Variants in RBFOX1 observed in about 807,000 individuals in gnomAD.
RBFOX1 encodes the protein RNA binding protein fox-1 homolog 1.
Under a neutral mutation model 57.7 loss-of-function variants are expected in RBFOX1, and 8 were observed. The observed-to-expected ratio is 0.14, with a 90% CI of 0.08 to 0.25. The LOEUF is 0.25. RBFOX1 is among the 10% of genes least tolerant of loss of function. The pLI, the probability that RBFOX1 is intolerant of heterozygous loss-of-function variation, is 1.00. For synonymous variants in RBFOX1, 326 were observed against 222.4 expected, an observed-to-expected ratio of 1.47 and a Z score of -4.15; for missense variants, 611 against 548.5, an observed-to-expected ratio of 1.11 and a Z score of -1.14.
At chr16:5,367,365 C>T (rs953917282) in intron 1 of RBFOX1, among the ~76,000 whole-genome samples, 1 of 152,160 alleles carries the variant, frequency 6.6e-6, no homozygotes, top group African/African-American at 2.4e-5. Context: ...TGGAGGATTA[C>T]TCCTAGGTAG....
At chr16:6,153,698 G>A (rs566040907) in intron 1 of RBFOX1, among the ~76,000 whole-genome samples, 1 of 152,198 alleles carries the variant, frequency 6.6e-6, no homozygotes, top group East Asian at 1.9e-4. Flanking sequence ...ACCATGCCTG[G>A]CTAATTTTTG....
intron 1 of RBFOX1, among the ~76,000 whole-genome samples, chr16:5,392,059 C>G (rs972388354): frequency 3.4e-4 from 52 of 152,084 alleles, no homozygotes; most frequent in African/African-American, 1.3e-3. Flanking sequence ...TATATTCTAA[C>G]TCATAAGTGG....
At chr16:6,580,078 C>T (rs944265859) in intron 2 of RBFOX1, among the ~76,000 whole-genome samples, 4 of 152,110 alleles carry the variant, frequency 2.6e-5, no homozygotes, top group African/African-American at 7.2e-5. Context: ...TCTGCCTCAG[C>T]CTCCCAGGTA....
At chr16:5,330,966 A>G (rs188626236) in intron 1 of RBFOX1, among the ~76,000 whole-genome samples, 1 of 112,736 alleles carries the variant, frequency 8.9e-6, no homozygotes, top group Admixed American at 1.1e-4. Context: ...AAGCACAAAT[A>G]CCCAGGCTCT....
chr16:5,779,699 C>T (rs1324159374), intron 3 of RBFOX1, among the ~76,000 whole-genome samples: 1 of 152,142 alleles, frequency 6.6e-6, no homozygotes, highest in Non-Finnish European at 1.5e-5. Context: ...GATGCACCCC[C>T]AACCCAAGTG....
At chr16:6,599,849 A>G (rs1461797047) in intron 2 of RBFOX1, among the ~76,000 whole-genome samples, 1 of 152,218 alleles carries the variant, frequency 6.6e-6, no homozygotes, top group Non-Finnish European at 1.5e-5. Context: ...TGAGCATTAC[A>G]TGAGCTAACA....
At chr16:5,588,979 G>T (rs1200105085) in intron 2 of RBFOX1, among the ~76,000 whole-genome samples, 1 of 152,200 alleles carries the variant, frequency 6.6e-6, no homozygotes. Context: ...CTGCCTAGAT[G>T]TCATGGCCTC....
intron 3 of RBFOX1, among the ~76,000 whole-genome samples, chr16:5,730,452 A>G (rs947688115): frequency 6.6e-6 from 1 of 152,176 alleles, no homozygotes; most frequent in Non-Finnish European, 1.5e-5. Context: ...GGCTGCGCAC[A>G]CACACTGGAG....
intron 1 of RBFOX1, among the ~76,000 whole-genome samples, chr16:6,194,061 T>C (rs746747239): frequency 6.6e-6 from 1 of 152,176 alleles, no homozygotes; most frequent in South Asian, 2.1e-4. Flanking sequence ...TGGATGTGTC[T>C]TCCTGGAACT....
intron 4 of RBFOX1, among the ~76,000 whole-genome samples, chr16:7,245,082 C>G (rs1404481364): frequency 6.6e-6 from 1 of 152,076 alleles, no homozygotes; most frequent in Non-Finnish European, 1.5e-5. Context: ...TCTGAAAAGT[C>G]TTATTTCTAG....
At chr16:7,021,883 C>G (rs75038864) in intron 3 of RBFOX1, among the ~76,000 whole-genome samples, 7,596 of 123,956 alleles carry the variant, frequency 0.061, 667 homozygotes, top group African/African-American at 0.25. Flanking sequence ...CTTTCTCTCT[C>G]TTTCTTTCTT....
chr16:5,569,058 G>A (rs910725543), intron 2 of RBFOX1, among the ~76,000 whole-genome samples: 1 of 150,102 alleles, frequency 6.7e-6, no homozygotes, highest in African/African-American at 2.5e-5. Context: ...CATCATATTG[G>A]TCAGGTTGGT....
At chr16:6,863,725 CTTTTTT>C (rs71408412) in intron 3 of RBFOX1, among the ~76,000 whole-genome samples, 23 of 67,778 alleles carry the variant, frequency 3.4e-4, no homozygotes, top group Non-Finnish European at 4.6e-4. Context: ...GATGCCTGCG[CTTTTTT>C]TTTTTTTTTT....
chr16:6,639,445 C>G (rs954822132), intron 2 of RBFOX1, among the ~76,000 whole-genome samples: 1 of 152,042 alleles, frequency 6.6e-6, no homozygotes, highest in African/African-American at 2.4e-5. Flanking sequence ...CAGTAGGGGT[C>G]TGTTTAATTG....
chr16:6,514,235 A>G (rs2153787126), intron 2 of RBFOX1, among the ~76,000 whole-genome samples: 1 of 152,234 alleles, frequency 6.6e-6, no homozygotes, highest in Admixed American at 6.5e-5. Context: ...GATGTTTAGA[A>G]TGCCATTTGT....
chr16:7,560,613 C>T (rs1009016267), intron 5 of RBFOX1, among the ~76,000 whole-genome samples: 1 of 151,734 alleles, frequency 6.6e-6, no homozygotes, highest in African/African-American at 2.4e-5. Context: ...TTCTCTATGG[C>T]CCAAGAAAAG....
rs557020851 is a variant in RBFOX1 at position 6,460,650 on chromosome 16, A to G, written c.-64+143593A>G. ...GGAACACTTTTACACTGTTAGTGGG[A>G]ATGTAAATTCATTCAACCATTGTGG... On this transcript the variant is annotated intron_variant, in intron 2 of 15. Transcript: ENST00000550418. Among the ~76,000 whole-genome samples the G allele has an allele frequency of 1.0e-3, 152 of 152,314 alleles. 1 individual carries two copies. The highest frequency in any genetic ancestry group is 3.4e-3 in the African/African-American group (143 of 41,558).
intron 1 of RBFOX1, among the ~76,000 whole-genome samples, chr16:6,131,589 A>G (rs1371267894): frequency 6.6e-6 from 1 of 152,148 alleles, no homozygotes; most frequent in Non-Finnish European, 1.5e-5. Context: ...AAGTTTATAA[A>G]ACTGTGTGGA....
chr16:7,187,741 C>G (rs564874152), intron 4 of RBFOX1, among the ~76,000 whole-genome samples: 1 of 124,004 alleles, frequency 8.1e-6, no homozygotes. Flanking sequence ...AGAAAAGAAG[C>G]GCTTTTAAAA....
Sources: allele counts gnomAD v4.1 joint callset (sites outside exome capture counted in the v4.1 genomes callset), GRCh38; gene constraint gnomAD v4.1.1; transcripts MANE v1.5; gene names NCBI Gene and HGNC (gene_info 2026-07-23, HGNC 2026-07-21).